Variants in SLC60A1 observed in about 807,000 individuals in gnomAD.
The protein encoded by SLC60A1 is major facilitator superfamily domain containing 4.
chr1:205,580,623 A>ACCCCCCCCCCCCCCCCC, the SLC60A1 span: 1 of 1,570,444 alleles, frequency 6.4e-7, no homozygotes, highest in East Asian at 2.3e-5. The surrounding 1 kb of genome is among the most constrained non-coding windows in gnomAD (Gnocchi z 5.0). Context: ...CTGAAGACTG[A>ACCCCCCCCCCCCCCCCC]CCCCCACCCC....
At chr1:205,591,672 C>T in the SLC60A1 span, among the ~76,000 whole-genome samples, 2,699 of 152,150 alleles carry the variant, frequency 0.018, 95 homozygotes, top group African/African-American at 0.062. Context: ...ACCCCTCTTC[C>T]CCTGCTATCT....
At chr1:205,592,506 T>C in the SLC60A1 span, among the ~76,000 whole-genome samples, 2 of 151,860 alleles carry the variant, frequency 1.3e-5, no homozygotes, top group Non-Finnish European at 2.9e-5. Context: ...TAGCATTAGG[T>C]ATATCTCCTA....
the SLC60A1 span, chr1:205,592,383 T>A: frequency 0.85 from 1,021,691 of 1,196,778 alleles, 433,650 homozygotes; most frequent in East Asian, 0.92. Context: ...TTTTTTTTTT[T>A]AATTTTATTA....
the SLC60A1 span, chr1:205,569,358 C>G: frequency 2.4e-6 from 3 of 1,236,542 alleles, no homozygotes; most frequent in Non-Finnish European, 2.1e-6. Flanking sequence ...CCTCGCCGGG[C>G]CGACCCTTCC....
At chr1:205,569,276 C>T in the SLC60A1 span, 1 of 1,548,128 alleles carries the variant, frequency 6.5e-7, no homozygotes, top group South Asian at 1.2e-5. Context: ...TGGGCAGCGC[C>T]CTCGGGGGCG....
chr1:205,581,987 C>T, the SLC60A1 span, among the ~76,000 whole-genome samples: 1 of 152,236 alleles, frequency 6.6e-6, no homozygotes, highest in Non-Finnish European at 1.5e-5. The surrounding 1 kb of genome is among the most constrained non-coding windows in gnomAD (Gnocchi z 4.2). Flanking sequence ...CATAGACCAT[C>T]TACCTGCTGC....
the SLC60A1 span, among the ~76,000 whole-genome samples, chr1:205,574,015 T>C: frequency 6.6e-6 from 1 of 152,116 alleles, no homozygotes; most frequent in Admixed American, 6.5e-5. Flanking sequence ...AGATTTCTTT[T>C]TGGGGTGACA....
the SLC60A1 span, chr1:205,579,737 C>T: frequency 8.1e-6 from 13 of 1,613,844 alleles, no homozygotes; most frequent in Admixed American, 1.7e-5. Flanking sequence ...TGACATCACC[C>T]TTCCCTCCTG....
the SLC60A1 span, among the ~76,000 whole-genome samples, chr1:205,585,273 A>G: frequency 4.6e-5 from 7 of 152,172 alleles, no homozygotes; most frequent in Non-Finnish European, 1.0e-4. The surrounding 1 kb of genome is among the most constrained non-coding windows in gnomAD (Gnocchi z 4.2). Flanking sequence ...TGTCAAGGAC[A>G]GGCTACCTGC....
chr1:205,597,627 C>G, the SLC60A1 span: 1 of 691,990 alleles, frequency 1.4e-6, no homozygotes, highest in Non-Finnish European at 2.5e-6. Context: ...AACTCCTGGC[C>G]TCAAGAGATC....
At chr1:205,597,229 A>G in the SLC60A1 span, among the ~76,000 whole-genome samples, 2 of 152,220 alleles carry the variant, frequency 1.3e-5, no homozygotes, top group African/African-American at 4.8e-5. Context: ...ATGAGCAATT[A>G]AAGGTTTCAG....
At chr1:205,570,926 G>A in the SLC60A1 span, among the ~76,000 whole-genome samples, 4 of 152,224 alleles carry the variant, frequency 2.6e-5, no homozygotes, top group African/African-American at 9.6e-5. Flanking sequence ...CAGGGTTTGT[G>A]AAGCCAGCAG....
At chr1:205,593,620 A>G in the SLC60A1 span, among the ~76,000 whole-genome samples, 1 of 152,122 alleles carries the variant, frequency 6.6e-6, no homozygotes. Context: ...TAACATCACC[A>G]TCAGTCGTTA....
chr1:205,579,736 C>G, the SLC60A1 span: 4 of 1,613,790 alleles, frequency 2.5e-6, no homozygotes, highest in Non-Finnish European at 3.4e-6. Flanking sequence ...CTGACATCAC[C>G]CTTCCCTCCT....
chr1:205,579,680 C>T, the SLC60A1 span: 12 of 1,553,992 alleles, frequency 7.7e-6, no homozygotes, highest in Non-Finnish European at 1.1e-5. Context: ...CCAGACCACC[C>T]AGTGAATGGA....
the SLC60A1 span, among the ~76,000 whole-genome samples, chr1:205,592,613 G>A: frequency 6.6e-6 from 1 of 151,790 alleles, no homozygotes; most frequent in Non-Finnish European, 1.5e-5. Context: ...CAGCGAGAAC[G>A]CTGCCCTAGC....
At chr1:205,584,547 TTA>T in the SLC60A1 span, among the ~76,000 whole-genome samples, 2 of 92,868 alleles carry the variant, frequency 2.2e-5, no homozygotes, top group Admixed American at 1.0e-4. Flanking sequence ...CTTTTTTTTT[TTA>T]AAAAAAAAAA....
the SLC60A1 span, chr1:205,600,279 C>A: frequency 2.2e-6 from 2 of 924,098 alleles, no homozygotes; most frequent in Non-Finnish European, 3.2e-6. Context: ...TGACTTTTCA[C>A]TTTGCTCCCT....
chr1:205,588,245 G>C, the SLC60A1 span, among the ~76,000 whole-genome samples: 1 of 152,034 alleles, frequency 6.6e-6, no homozygotes, highest in Non-Finnish European at 1.5e-5. Context: ...GCCGAGGCGG[G>C]TGGATCATGA....
Sources: allele counts gnomAD v4.1 joint callset (sites outside exome capture counted in the v4.1 genomes callset), GRCh38; gene constraint gnomAD v4.1.1; non-coding constraint Gnocchi (gnomAD v3.1); transcripts MANE v1.5; gene names NCBI Gene and HGNC (gene_info 2026-07-23, HGNC 2026-07-21).